The following BICD1 variants were observed in gnomAD, a reference collection of about 807,000 sequenced individuals.
BICD1 encodes the protein BICD cargo adaptor 1, also known as protein bicaudal D homolog 1.
Under a neutral mutation model 92.5 loss-of-function variants are expected in BICD1, and 35 were observed. That is an observed-to-expected ratio of 0.38 (90% confidence interval 0.29 to 0.50). The LOEUF (loss-of-function observed/expected upper bound fraction) is 0.50. Among genes scored for constraint, BICD1 ranks in the 20% least tolerant of loss-of-function variants. The pLI is 0.93. For synonymous variants in BICD1, 429 were observed against 465.1 expected (o/e 0.92, Z 1.00); for missense variants, 950 against 1,189.8 (o/e 0.80, Z 2.97).
At chr12:32,256,682 G>A (rs948987434) in intron 2 of BICD1, among the ~76,000 whole-genome samples, 5 of 152,160 alleles carry the variant, frequency 3.3e-5, no homozygotes, top group African/African-American at 1.2e-4. Flanking sequence ...ACAGACCCTG[G>A]TTTGTATTCT....
intron 1 of BICD1, among the ~76,000 whole-genome samples, chr12:32,120,525 C>G (rs1054522167): frequency 6.6e-6 from 1 of 152,078 alleles, no homozygotes; most frequent in Non-Finnish European, 1.5e-5. Context: ...TTGAAGAGCT[C>G]TTAGTCATCA....
chr12:32,306,528 C>T (rs959962020), intron 4 of BICD1, among the ~76,000 whole-genome samples: 15 of 151,840 alleles, frequency 9.9e-5, no homozygotes, highest in East Asian at 3.9e-4. Flanking sequence ...CAGGCGTGAG[C>T]CACCGCGCCC....
intron 1 of BICD1, among the ~76,000 whole-genome samples, chr12:32,145,554 G>A (rs923255686): frequency 6.6e-6 from 1 of 152,188 alleles, no homozygotes; most frequent in Non-Finnish European, 1.5e-5. Context: ...ATTACAATAT[G>A]TTACTATTAT....
Position 32,382,332 on chromosome 12 carries a change from C to T in BICD1, c.*4705C>T, listed in dbSNP as rs1231316201. The T allele has an allele frequency of 1.3e-5, 2 of 152,086 alleles. No homozygotes were observed. Among genetic ancestry groups the T allele is most frequent in the African/African-American group, 2.4e-5 (1 of 41,452 alleles). The allele number at this position is 152,086 out of a possible 1,614,324, so 9.4% of individuals were successfully genotyped here. A position where few individuals can be genotyped will look rare whatever the true frequency, so the allele number is the denominator to read the frequency against. Reference sequence around the variant, plus strand: ...ACTTAAGAAGAAGAAGAGCAATTAACTGCCTTTAGTGTAAGGGCGAGAGTG... The same window carrying T: ...ACTTAAGAAGAAGAAGAGCAATTAATTGCCTTTAGTGTAAGGGCGAGAGTG... On this transcript the variant is annotated 3_prime_UTR_variant, in exon 10 of 10. Coordinates refer to ENST00000652176, the MANE Select transcript of BICD1 (RefSeq NM_001714.4).
intron 1 of BICD1, among the ~76,000 whole-genome samples, chr12:32,161,880 G>A (rs934532907): frequency 2.0e-5 from 3 of 151,972 alleles, no homozygotes; most frequent in Non-Finnish European, 4.4e-5. Flanking sequence ...ATGAATTTTT[G>A]TTCAATTTTC....
At chr12:32,278,665 AAC>A (rs1168746930) in intron 2 of BICD1, among the ~76,000 whole-genome samples, 1 of 152,106 alleles carries the variant, frequency 6.6e-6, no homozygotes, top group Non-Finnish European at 1.5e-5. Context: ...CATCCTGGCT[AAC>A]ACAGTGAAAC....
At chr12:32,276,485 T>C (rs1326041432) in intron 2 of BICD1, among the ~76,000 whole-genome samples, 2 of 152,128 alleles carry the variant, frequency 1.3e-5, no homozygotes, top group Non-Finnish European at 2.9e-5. Context: ...ACTAAAATGC[T>C]AATTAGGCAA....
rs1565687073 is a variant in BICD1 at position 32,346,560 on chromosome 12, A to ATATATATATATACGTGTG, written c.2764+7593_2764+7594insCGTGTGTATATATATATA. Among the ~76,000 whole-genome samples the ATATATATATATACGTGTG allele has an allele frequency of 2.4e-3, 50 of 21,150 alleles. 6 individuals are homozygous for ATATATATATATACGTGTG. Among genetic ancestry groups the ATATATATATATACGTGTG allele is most frequent in the Non-Finnish European group, 3.3e-3 (42 of 12,844 alleles). The allele number at this position is 21,150 out of a possible 152,430, so 13.9% of individuals were successfully genotyped here. ...TGTATATATATATATATATATATAT[A>ATATATATATATACGTGTG]TATATATATATATATATATATACGT... On this transcript the variant is annotated intron_variant, in intron 8 of 9. Coordinates refer to ENST00000652176, the MANE Select transcript of BICD1 (RefSeq NM_001714.4).
chr12:32,121,244 G>A (rs1306286641), intron 1 of BICD1, among the ~76,000 whole-genome samples: 1 of 151,750 alleles, frequency 6.6e-6, no homozygotes, highest in Admixed American at 6.6e-5. Flanking sequence ...ACAGGCGTGA[G>A]CCACAGCACC....
intron 1 of BICD1, among the ~76,000 whole-genome samples, chr12:32,146,151 CGTTAA>C (rs1328406965): frequency 5.9e-5 from 9 of 152,314 alleles, no homozygotes; most frequent in Non-Finnish European, 1.0e-4. Flanking sequence ...ATACTACCAG[CGTTAA>C]GTTGACAGTT....
chr12:32,108,670 T>C (rs1217812378), intron 1 of BICD1: 1 of 698,810 alleles, frequency 1.4e-6, no homozygotes, highest in Non-Finnish European at 2.6e-6. Flanking sequence ...TATGACATAC[T>C]GAATCAACTT....
At chr12:32,115,221 T>TTATTGCAG (rs1463751213) in intron 1 of BICD1, among the ~76,000 whole-genome samples, 3 of 152,172 alleles carry the variant, frequency 2.0e-5, no homozygotes, top group Non-Finnish European at 4.4e-5. Context: ...ATGACAGTTT[T>TTATTGCAG]TATTGCAGTA....
intron 3 of BICD1, among the ~76,000 whole-genome samples, chr12:32,305,439 G>A (rs1393125943): frequency 2.0e-5 from 3 of 151,132 alleles, no homozygotes; most frequent in African/African-American, 7.3e-5. Context: ...TTATATAGAT[G>A]TATATTATTA....
chr12:32,220,288 C>T lies in BICD1; in HGVS notation c.426+3829C>T, dbSNP rs554682421. Among the ~76,000 whole-genome samples the T allele has an allele frequency of 5.3e-5, 8 of 152,214 alleles. No homozygotes were observed. In the South Asian group the frequency reaches 1.7e-3, roughly 32 times the overall value. Reference sequence around the variant, plus strand: ...AGCTTCTGCACAGCAAAAGAAACTACCATCAGAGTGAACAGGCAATCTACA... The same window carrying T: ...AGCTTCTGCACAGCAAAAGAAACTATCATCAGAGTGAACAGGCAATCTACA... On this transcript the variant is annotated intron_variant, in intron 2 of 9. Coordinates refer to ENST00000652176, the MANE Select transcript of BICD1 (RefSeq NM_001714.4).
intron 2 of BICD1, among the ~76,000 whole-genome samples, chr12:32,290,579 T>G (rs943479786): frequency 5.9e-5 from 9 of 152,218 alleles, no homozygotes; most frequent in Non-Finnish European, 1.0e-4. Context: ...AGCTTTGGCT[T>G]GCCCAGCCCA....
chr12:32,341,197 C>T (rs576583194), intron 8 of BICD1, among the ~76,000 whole-genome samples: 12 of 152,074 alleles, frequency 7.9e-5, no homozygotes, highest in Admixed American at 5.2e-4. Flanking sequence ...GATTCGAGGC[C>T]GGCTGCAGTG....
At chr12:32,230,253 G>A (rs1945837565) in intron 2 of BICD1, among the ~76,000 whole-genome samples, 2 of 151,896 alleles carry the variant, frequency 1.3e-5, no homozygotes, top group South Asian at 4.2e-4. Context: ...AGGAATTCAG[G>A]GCTGGATGCA....
intron 1 of BICD1, chr12:32,108,018 G>A: frequency 2.9e-6 from 1 of 344,150 alleles, no homozygotes; most frequent in Non-Finnish European, 5.5e-6. Context: ...GTGAGAGAGG[G>A]AACTCCTCAC....
intron 2 of BICD1, chr12:32,228,264 A>G (rs981914102): frequency 6.6e-6 from 1 of 152,350 alleles, no homozygotes; most frequent in Admixed American, 6.5e-5. Context: ...TAAATGTCCA[A>G]TTGTCCATTT....
Sources: gnomAD v4.1 joint callset for allele counts (sites outside exome capture counted in the v4.1 genomes callset) on GRCh38, gnomAD v4.1.1 for gene constraint, MANE v1.5 for transcripts, NCBI Gene and HGNC (gene_info 2026-07-23, HGNC 2026-07-21) for gene names.